The following SIL1 variants were observed in gnomAD, a reference collection of about 807,000 sequenced individuals.
SIL1 encodes nucleotide exchange factor SIL1.
SIL1 carries 40 observed loss-of-function variants against 49.1 expected under a neutral mutation model. That is an observed-to-expected ratio of 0.81 (90% CI 0.63 to 1.06). The LOEUF (loss-of-function observed/expected upper bound fraction) is 1.06, where lower values mean the gene tolerates loss of function less well. Among genes scored for constraint, SIL1 ranks in the 50% least tolerant of loss-of-function variants. The probability of loss-of-function intolerance (pLI) is 0.00; values close to 1 mark genes in which losing one functional copy is unlikely to be tolerated. For missense variants in SIL1, 500 were observed against 572.6 expected, an observed-to-expected ratio of 0.87 and a Z score of 1.29; for synonymous variants, 253 against 250.8, an observed-to-expected ratio of 1.01 and a Z score of -0.08.
Position 139,166,704 on chromosome 5 carries a change from G to A in SIL1, c.-11+31565C>T, listed in dbSNP as rs188818840. On this transcript the variant is annotated intron_variant, in intron 1 of 9. Transcript: ENST00000394817. ...CCATAGCCCAGGCTGGAGTGCGGTG[G>A]CATGATAGCAGCTCACTGGAGCCTC... is the stretch of plus-strand genomic sequence containing the variant. 2.6e-5 allele frequency among the ~76,000 whole-genome samples: 4 copies of A among 152,286 alleles called. No homozygotes were observed. In the East Asian group the frequency reaches 7.7e-4, roughly 29 times the overall value.
chr5:139,179,758 T>C (rs563551179), intron 1 of SIL1, among the ~76,000 whole-genome samples: 2 of 152,148 alleles, frequency 1.3e-5, no homozygotes, highest in African/African-American at 4.8e-5. Flanking sequence ...AATGGTAAGG[T>C]CAAGGGTCAC....
At position 139,051,061 on chromosome 5, in the gene SIL1, G is replaced by T. The variant is rs764284363; in HGVS notation, c.245-15C>A. The T allele has an allele frequency of 2.5e-5, 40 of 1,612,668 alleles. No individual in the cohort carries two copies. Among genetic ancestry groups the T allele is most frequent in the Non-Finnish European group, 3.4e-5 (40 of 1,178,880 alleles). On this transcript the variant is annotated splice_polypyrimidine_tract_variant and intron_variant, in intron 3 of 9. Coordinates refer to ENST00000394817, the MANE Select transcript of SIL1 (RefSeq NM_022464.5). Reference sequence around the variant, plus strand: ...GACAGCCTGCCCTAAAAGCCAAGAAGAGAAAAGGCTCATGAGGTACAAGGT... The same window carrying T: ...GACAGCCTGCCCTAAAAGCCAAGAATAGAAAAGGCTCATGAGGTACAAGGT...
intron 3 of SIL1, among the ~76,000 whole-genome samples, chr5:139,102,261 C>T (rs1770603528): frequency 6.6e-6 from 1 of 152,166 alleles, no homozygotes; most frequent in Non-Finnish European, 1.5e-5. Flanking sequence ...GAGGCTCTAA[C>T]TTTCAGTCTC....
At chr5:139,102,839 T>A (rs1770623226) in intron 3 of SIL1, among the ~76,000 whole-genome samples, 1 of 151,766 alleles carries the variant, frequency 6.6e-6, no homozygotes, top group Non-Finnish European at 1.5e-5. Context: ...CTCAGCCTCC[T>A]GAGTAGCTGG....
At chr5:138,989,375 C>T in intron 7 of SIL1, among the ~76,000 whole-genome samples, 2 of 152,174 alleles carry the variant, frequency 1.3e-5, no homozygotes, top group East Asian at 3.8e-4. Context: ...ACAGTGAAAC[C>T]CCATCTCTAC....
rs939539628 is a variant in SIL1 at position 139,170,103 on chromosome 5, G to A, written c.-11+28166C>T. Among the ~76,000 whole-genome samples, 32 of 152,326 alleles carry A rather than the reference G, an allele frequency of 2.1e-4. 1 individual carries two copies. Among genetic ancestry groups the A allele is most frequent in the Non-Finnish European group, 4.0e-4 (27 of 68,028 alleles). On this transcript the variant is annotated intron_variant, in intron 1 of 9. Transcript: ENST00000394817. ...GGGCTGGTCTCCAGCTCCTAACCGC[G>A]AGTGATCCGCCAGCCTCGGCCTCCC...
At chr5:139,160,187 A>ACACACACACAC (rs1491527493) in intron 1 of SIL1, among the ~76,000 whole-genome samples, 1 of 145,586 alleles carries the variant, frequency 6.9e-6, no homozygotes, top group Non-Finnish European at 1.5e-5. Flanking sequence ...ACACACACAC[A>ACACACACACAC]AAAGTTATAG....
rs1768518274 is a variant in SIL1, at chr5:139,021,207, T to C, written c.731A>G (p.Glu244Gly). The C allele has an allele frequency of 6.2e-7, 1 of 1,614,116 alleles. No homozygotes were observed. The highest frequency in any genetic ancestry group is 2.2e-5 in the East Asian group (1 of 44,876). ...GLNSTEPLVK[E>G]YAAFVLGAAF... The stretch of plus-strand genomic sequence containing the variant: ...AGCGCCCAGCACAAACGCAGCATAC[T>C]CCTTCACGAGGGGCTCTGTGCTGTT... The change falls in exon 7 of 10, where the codon GAG (glutamate) becomes GGG (glycine). Residue 244 changes from glutamate to glycine, a missense_variant. Glu to Gly is a moderately conservative substitution (Grantham distance 98). Coordinates refer to ENST00000394817, the MANE Select transcript of SIL1 (RefSeq NM_022464.5).
intron 2 of SIL1, among the ~76,000 whole-genome samples, chr5:139,124,585 T>G (rs1332281077): frequency 2.6e-5 from 4 of 152,206 alleles, no homozygotes; most frequent in Non-Finnish European, 5.9e-5. Flanking sequence ...CACCTAGCTA[T>G]CCTCAAAGGC....
chr5:139,138,620 C>A (rs1029018373), intron 1 of SIL1, among the ~76,000 whole-genome samples: 1 of 152,204 alleles, frequency 6.6e-6, no homozygotes, highest in Non-Finnish European at 1.5e-5. Context: ...TTAACCTCTA[C>A]AAGTTTCAAC....
At chr5:138,981,821 ATC>A (rs371707390) in intron 7 of SIL1, among the ~76,000 whole-genome samples, 96 of 150,484 alleles carry the variant, frequency 6.4e-4, no homozygotes, top group African/African-American at 2.3e-3. Context: ...CGTGCTCTCA[ATC>A]TCTCTCTCTT....
intron 3 of SIL1, among the ~76,000 whole-genome samples, chr5:139,055,643 C>G (rs1769393041): frequency 7.9e-6 from 1 of 127,228 alleles, no homozygotes; most frequent in Non-Finnish European, 1.6e-5. Flanking sequence ...TCCCCCTCTC[C>G]CTCTCCCCAC....
intron 3 of SIL1, among the ~76,000 whole-genome samples, chr5:139,077,664 C>T (rs915948676): frequency 2.0e-5 from 3 of 152,164 alleles, no homozygotes; most frequent in Non-Finnish European, 4.4e-5. Context: ...AAACCTCAAC[C>T]TGAAAGGGCA....
intron 7 of SIL1, among the ~76,000 whole-genome samples, chr5:138,973,618 C>T (rs10064130): frequency 0.3 from 45,269 of 151,846 alleles, 7,164 homozygotes; most frequent in Middle Eastern, 0.42. Flanking sequence ...TGCCACTGCA[C>T]CTGACTAAAT....
intron 3 of SIL1, among the ~76,000 whole-genome samples, chr5:139,076,922 AGAG>A (rs1384118195): frequency 1.3e-5 from 2 of 152,172 alleles, no homozygotes; most frequent in African/African-American, 4.8e-5. Context: ...CGAGGTCAGG[AGAG>A]GAGATAAGAC....
At chr5:138,977,773 C>T (rs1265328356) in intron 7 of SIL1, among the ~76,000 whole-genome samples, 2 of 152,180 alleles carry the variant, frequency 1.3e-5, no homozygotes, top group African/African-American at 4.8e-5. Flanking sequence ...GCCAACTTCG[C>T]CAACCTCACC....
intron 1 of SIL1, among the ~76,000 whole-genome samples, chr5:139,151,598 T>G (rs1751302487): frequency 6.6e-6 from 1 of 152,184 alleles, no homozygotes; most frequent in Non-Finnish European, 1.5e-5. Flanking sequence ...TTTATCTAAT[T>G]TGGCTTTCAT....
chr5:139,073,569 G>A (rs1288203811), intron 3 of SIL1, among the ~76,000 whole-genome samples: 1 of 152,094 alleles, frequency 6.6e-6, no homozygotes, highest in African/African-American at 2.4e-5. Flanking sequence ...GGGAGATGTT[G>A]GTCAAAGGAT....
chr5:139,185,017 T>C (rs1370269657), intron 1 of SIL1, among the ~76,000 whole-genome samples: 2 of 152,230 alleles, frequency 1.3e-5, no homozygotes, highest in African/African-American at 4.8e-5. Flanking sequence ...ATTGCTTCGA[T>C]CAACATTATT....
Sources: gnomAD v4.1 joint callset for allele counts (sites outside exome capture counted in the v4.1 genomes callset) on GRCh38, gnomAD v4.1.1 for gene constraint, MANE v1.5 for transcripts, NCBI Gene and HGNC (gene_info 2026-07-23, HGNC 2026-07-21) for gene names.